ANXA6: variants seen among roughly 807,000 people sequenced by gnomAD.
ANXA6 encodes 67 kDa calelectrin.
Under a neutral mutation model 95.4 loss-of-function variants are expected in ANXA6, and 71 were observed. The ratio of observed to expected loss-of-function variants is 0.74; its 90% CI spans 0.61 to 0.91. ANXA6 has a LOEUF of 0.91. Among genes scored for constraint, ANXA6 ranks in the 40% least tolerant of loss-of-function variants. The pLI, the probability that ANXA6 is intolerant of heterozygous loss-of-function variation, is 0.00. For missense variants in ANXA6, 830 were observed against 876.4 expected (o/e 0.95, Z 0.67); for synonymous variants, 289 against 315.9 (o/e 0.91, Z 0.90).
rs1332552721 is a variant in ANXA6, at chr5:151,155,713, G to C, written c.-26+1967C>G. The C allele has an allele frequency of 2.6e-5, 4 of 152,238 alleles. No homozygotes were observed. The South Asian group carries it at 8.3e-4, about 32-fold the overall frequency. The allele number at this position is 152,238 out of a possible 1,614,324, so 9.4% of individuals were successfully genotyped here. On this transcript the variant is annotated intron_variant, in intron 1 of 25. Coordinates refer to ENST00000354546, the MANE Select transcript of ANXA6 (RefSeq NM_001155.5). The stretch of plus-strand genomic sequence containing the variant: ...CTCCCCAGAAAATCCTAGAATGGTA[G>C]AGCAAAAGCCATTCAGACCCAACCC...
intron 1 of ANXA6, among the ~76,000 whole-genome samples, chr5:151,150,217 C>T (rs1163646329): frequency 6.6e-6 from 1 of 152,108 alleles, no homozygotes; most frequent in African/African-American, 2.4e-5. Context: ...GGAGACATTT[C>T]AGCTCAATGC....
intron 20 of ANXA6, among the ~76,000 whole-genome samples, chr5:151,116,787 G>T (rs1765011429): frequency 6.6e-6 from 1 of 152,156 alleles, no homozygotes; most frequent in South Asian, 2.1e-4. Context: ...CTCTCTAGGG[G>T]TCAATTCTAC....
At chr5:151,123,466 T>C (rs534069403) in intron 15 of ANXA6, among the ~76,000 whole-genome samples, 1 of 152,332 alleles carries the variant, frequency 6.6e-6, no homozygotes, top group South Asian at 2.1e-4. Context: ...AGCTGGACCC[T>C]GAGTCCCTCT....
chr5:151,119,504 C>T (rs1765101922), intron 17 of ANXA6, 114 bp from the exon 18 acceptor site: 1 of 870,856 alleles, frequency 1.1e-6, no homozygotes, highest in East Asian at 2.6e-5. Context: ...TTCTCCTCAC[C>T]TCCAGACATG....
intron 1 of ANXA6, among the ~76,000 whole-genome samples, chr5:151,157,466 C>T (rs1766267106): frequency 1.3e-5 from 2 of 152,180 alleles, no homozygotes; most frequent in Non-Finnish European, 2.9e-5. Flanking sequence ...GGGCGCCCTC[C>T]GCCCGCGCCT....
At chr5:151,140,793 C>T (rs1490825029) in intron 2 of ANXA6, among the ~76,000 whole-genome samples, 1 of 152,112 alleles carries the variant, frequency 6.6e-6, no homozygotes, top group East Asian at 1.9e-4. Context: ...TTAGTGTAGC[C>T]ATTTGTAGAC....
intron 2 of ANXA6, 84 bp downstream of exon 2, chr5:151,147,800 C>T (rs1034500688): frequency 1.4e-5 from 20 of 1,459,068 alleles, no homozygotes; most frequent in Middle Eastern, 1.9e-4. Context: ...TACCAGGGGT[C>T]TCTGTAGCAG....
At chr5:151,119,695 T>C (rs1020174914) in intron 17 of ANXA6, among the ~76,000 whole-genome samples, 2 of 152,142 alleles carry the variant, frequency 1.3e-5, no homozygotes, top group Non-Finnish European at 2.9e-5. Context: ...TACTTGTAAG[T>C]ATTGGAAGAG....
chr5:151,109,615 T>C, intron 22 of ANXA6, 138 bp downstream of exon 22: 2 of 655,244 alleles, frequency 3.1e-6, no homozygotes. Flanking sequence ...AGAGTCGCCG[T>C]CACCCATGAC....
At chr5:151,147,675 T>C (rs890937257) in intron 2 of ANXA6, among the ~76,000 whole-genome samples, 2 of 152,168 alleles carry the variant, frequency 1.3e-5, no homozygotes, top group African/African-American at 4.8e-5. Context: ...CATCCTTTTC[T>C]GCTTAGGATA....
At chr5:151,125,933 G>A (rs1450062273) in intron 14 of ANXA6, among the ~76,000 whole-genome samples, 9 of 152,142 alleles carry the variant, frequency 5.9e-5, no homozygotes, top group Non-Finnish European at 1.2e-4. Context: ...GCTTTTTTGT[G>A]TGGACCAAGT....
At chr5:151,116,144 C>T (rs995913696) in intron 20 of ANXA6, among the ~76,000 whole-genome samples, 1 of 152,204 alleles carries the variant, frequency 6.6e-6, no homozygotes, top group Non-Finnish European at 1.5e-5. Flanking sequence ...AGCTCAGATG[C>T]TGTTGTAGCA....
chr5:151,126,543 A>AACACCAAC, intron 13 of ANXA6, 63 bp from the exon 14 acceptor site: 1 of 829,058 alleles, frequency 1.2e-6, no homozygotes, highest in South Asian at 1.5e-5. Flanking sequence ...CACTCACACC[A>AACACCAAC]ACACACACAC....
chr5:151,115,958 C>T (rs1764986955), intron 20 of ANXA6, among the ~76,000 whole-genome samples: 1 of 152,236 alleles, frequency 6.6e-6, no homozygotes, highest in South Asian at 2.1e-4. Flanking sequence ...AATAAAACCA[C>T]CACCACTTAG....
chr5:151,118,811 G>A (rs1057369243), intron 18 of ANXA6, among the ~76,000 whole-genome samples: 6 of 151,916 alleles, frequency 3.9e-5, no homozygotes, highest in Non-Finnish European at 7.4e-5. Flanking sequence ...CAAGCAATCC[G>A]CCTGCCTGAG....
intron 6 of ANXA6, 154 bp downstream of exon 6, chr5:151,137,077 G>A: frequency 1.4e-6 from 1 of 702,310 alleles, no homozygotes; most frequent in Non-Finnish European, 2.4e-6. Flanking sequence ...ACCCAGCACA[G>A]AGCAAGTACT....
intron 14 of ANXA6, among the ~76,000 whole-genome samples, chr5:151,124,742 C>T (rs954011259): frequency 3.9e-5 from 6 of 152,112 alleles, no homozygotes; most frequent in East Asian, 1.9e-4. Context: ...ACCCTGCCCC[C>T]GAGGCCCCCT....
chr5:151,140,777 A>G (rs1561583288), intron 2 of ANXA6, among the ~76,000 whole-genome samples: 1 of 152,156 alleles, frequency 6.6e-6, no homozygotes, highest in Non-Finnish European at 1.5e-5. Context: ...ACCTCTGTGA[A>G]TGTCATTAGT....
intron 20 of ANXA6, among the ~76,000 whole-genome samples, chr5:151,112,710 G>T: frequency 6.6e-6 from 1 of 152,104 alleles, no homozygotes; most frequent in East Asian, 1.9e-4. Flanking sequence ...GTTATTCCCA[G>T]CTACTTGGGG....
Sources: allele counts gnomAD v4.1 joint callset (sites outside exome capture counted in the v4.1 genomes callset), GRCh38; gene constraint gnomAD v4.1.1; transcripts MANE v1.5; gene names NCBI Gene and HGNC (gene_info 2026-07-23, HGNC 2026-07-21).